Variants in RXRA observed in about 807,000 individuals in gnomAD.
RXRA encodes the protein retinoid X receptor alpha.
RXRA carries 5 observed loss-of-function variants against 44.5 expected under a neutral mutation model. That is an observed-to-expected ratio of 0.11 (90% confidence interval 0.06 to 0.24). The LOEUF (loss-of-function observed/expected upper bound fraction) is 0.24. Ranked by LOEUF, RXRA falls within the 10% of genes least tolerant of loss-of-function variation. The pLI, the probability that RXRA is intolerant of heterozygous loss-of-function variation, is 1.00. For synonymous variants in RXRA, 291 were observed against 271.4 expected, an observed-to-expected ratio of 1.07 and a Z score of -0.71; for missense variants, 412 against 646.5, an observed-to-expected ratio of 0.64 and a Z score of 3.93.
At chr9:134,354,052 G>A (rs924916900) in intron 1 of RXRA, among the ~76,000 whole-genome samples, 3 of 152,182 alleles carry the variant, frequency 2.0e-5, no homozygotes, top group African/African-American at 7.2e-5. Context: ...CTTCACTGTT[G>A]CCACCATAAA....
chr9:134,326,843 T>C (rs1285602493), intron 1 of RXRA, among the ~76,000 whole-genome samples, 184 bp downstream of exon 1: 1 of 134,314 alleles, frequency 7.4e-6, no homozygotes, highest in Non-Finnish European at 1.6e-5. Flanking sequence ...GGGGCAACTT[T>C]TCGCGGGGCC....
At chr9:134,352,762 G>A (rs1406454205) in intron 1 of RXRA, among the ~76,000 whole-genome samples, 4 of 152,198 alleles carry the variant, frequency 2.6e-5, no homozygotes, top group Non-Finnish European at 4.4e-5. Flanking sequence ...CTGACGGCTC[G>A]CATGCCTGTC....
At chr9:134,399,344 T>C (rs1221941516) in intron 1 of RXRA, among the ~76,000 whole-genome samples, 1 of 152,246 alleles carries the variant, frequency 6.6e-6, no homozygotes, top group African/African-American at 2.4e-5. Context: ...TTTCCCTGTC[T>C]GTCACAGGCT....
chr9:134,368,200 A>AGTGCCTGGCTGTGGCTCCC (rs1387491970), intron 1 of RXRA, among the ~76,000 whole-genome samples: 2 of 152,196 alleles, frequency 1.3e-5, no homozygotes, highest in Admixed American at 1.3e-4. Context: ...ATGGATGGTC[A>AGTGCCTGGCTGTGGCTCCC]GTGCCTGGCT....
At chr9:134,358,938 G>A (rs998412241) in intron 1 of RXRA, among the ~76,000 whole-genome samples, 1 of 152,214 alleles carries the variant, frequency 6.6e-6, no homozygotes, top group Non-Finnish European at 1.5e-5. Context: ...ACAGCCCCAC[G>A]TGGCAGGGGA....
chr9:134,393,263 A>G (rs73556208), intron 1 of RXRA, among the ~76,000 whole-genome samples: 1 of 152,158 alleles, frequency 6.6e-6, no homozygotes, highest in Non-Finnish European at 1.5e-5. Flanking sequence ...GCATGACACA[A>G]CCAGGAGGCT....
rs191196083 is a variant in RXRA, at chr9:134,400,982, C to T, written c.29-650C>T. 5.3e-5 allele frequency among the ~76,000 whole-genome samples: 8 copies of T among 152,328 alleles called. No individual in the cohort carries two copies. In the East Asian group the frequency reaches 1.4e-3, roughly 26 times the overall value. On this transcript the variant is annotated intron_variant, in intron 1 of 9. Transcript: ENST00000481739. ...ACCTGAGCAGGTCCAGGCAGTGTGG[C>T]CTGCTGGTTAGGGCCACAGACATGG...
chr9:134,344,175 A>C, intron 1 of RXRA, among the ~76,000 whole-genome samples: 1 of 152,288 alleles, frequency 6.6e-6, no homozygotes, highest in South Asian at 2.1e-4. Context: ...GGGCCCATGC[A>C]GTACAAATGT....
intron 1 of RXRA, among the ~76,000 whole-genome samples, chr9:134,354,915 C>G (rs545032739): frequency 6.6e-6 from 1 of 152,354 alleles, no homozygotes; most frequent in African/African-American, 2.4e-5. Flanking sequence ...GACTGAGAAG[C>G]CACTGGGAAG....
chr9:134,414,627 G>A (rs1210308666), intron 4 of RXRA, among the ~76,000 whole-genome samples: 1 of 152,258 alleles, frequency 6.6e-6, no homozygotes. Context: ...ACTGTCTTGA[G>A]CGCTCAGCCC....
chr9:134,386,115 G>A (rs769348040), intron 1 of RXRA, among the ~76,000 whole-genome samples: 1 of 152,238 alleles, frequency 6.6e-6, no homozygotes, highest in Non-Finnish European at 1.5e-5. Flanking sequence ...TGGGCCGCCG[G>A]GCCAGCATGA....
At chr9:134,362,195 G>A (rs1044495842) in intron 1 of RXRA, among the ~76,000 whole-genome samples, 43 of 152,280 alleles carry the variant, frequency 2.8e-4, no homozygotes, top group African/African-American at 9.4e-4. Flanking sequence ...GGCCCAGTGC[G>A]TGGCCGCTGC....
intron 1 of RXRA, among the ~76,000 whole-genome samples, chr9:134,383,495 C>T (rs879319449): frequency 1.2e-4 from 19 of 152,150 alleles, no homozygotes; most frequent in African/African-American, 2.9e-4. Flanking sequence ...ACCCTCATTC[C>T]GAGTCTCATG....
Position 134,417,308 on chromosome 9 carries a change from T to C in RXRA, c.761T>C (p.Met254Thr), listed in dbSNP as rs756466967. The change falls in exon 5 of 10, where the codon ATG becomes ACG. Residue 254 changes from methionine (M) to threonine (T), a missense_variant. This residue lies in a region of RXRA where 67 missense variants were observed against 78.7 expected (regional missense o/e 0.85). Coordinates refer to ENST00000481739, the MANE Select transcript of RXRA (RefSeq NM_002957.6). The surrounding 1 kb of genome is among the most constrained non-coding windows in gnomAD (Gnocchi z 6.1). ...PKTETYVEAN[M>T]GLNPSSPNDP... ...ACCGAGACCTACGTGGAGGCAAACA[T>C]GGGGCTGAACCCCAGCTCGGTGAGT... The C allele has an allele frequency of 6.8e-6, 11 of 1,613,506 alleles. No individual in the cohort carries two copies. The highest frequency in any genetic ancestry group is 2.2e-5 in the East Asian group (1 of 44,888).
In RXRA at chr9:134,417,432, G is replaced by A. The variant is rs1312696443; in HGVS notation, c.780+105G>A. 1.5e-6 allele frequency: 2 copies of A among 1,326,144 alleles called. No individual in the cohort carries two copies. The highest frequency in any genetic ancestry group is 1.5e-5 in the African/African-American group (1 of 68,608). 82.1% of individuals were successfully genotyped at this position (1,326,144 alleles called of 1,614,324 possible). A position where few individuals can be genotyped will look rare whatever the true frequency, so the allele number is the denominator to read the frequency against. On this transcript the variant is annotated intron_variant, in intron 5 of 9. Transcript: ENST00000481739. This position sits in a 1 kb window ranked among gnomAD's most constrained non-coding sequence, Gnocchi z 6.1. ...CTGATGAGCCAGAGAGGTCCTGGGG[G>A]CTGCCCTGGGCCCTGTGGCTGCCTC...
At chr9:134,336,638 G>T (rs782100790) in intron 1 of RXRA, among the ~76,000 whole-genome samples, 5 of 152,170 alleles carry the variant, frequency 3.3e-5, no homozygotes, top group Non-Finnish European at 7.3e-5. Context: ...TTCAAGACAG[G>T]GCTGGCTCCA....
chr9:134,369,818 G>A (rs1385797752), intron 1 of RXRA, among the ~76,000 whole-genome samples: 2 of 152,124 alleles, frequency 1.3e-5, no homozygotes, highest in Non-Finnish European at 2.9e-5. Flanking sequence ...GAGTCCAGAG[G>A]TCCCCTCCTC....
chr9:134,373,990 T>A (rs1830521179), intron 1 of RXRA: 1 of 152,266 alleles, frequency 6.6e-6, no homozygotes, highest in South Asian at 2.1e-4. Flanking sequence ...GCCTGGTTTT[T>A]CTCTGCCTGT....
chr9:134,340,572 A>G (rs1554748002), intron 1 of RXRA, among the ~76,000 whole-genome samples: 3 of 151,888 alleles, frequency 2.0e-5, no homozygotes, highest in African/African-American at 7.3e-5. Context: ...GGTATCACCG[A>G]CCACCCGAAG....
Sources: gnomAD v4.1 joint callset for allele counts (sites outside exome capture counted in the v4.1 genomes callset) on GRCh38, gnomAD v4.1.1 for gene constraint, gnomAD v4.1.1 regional missense constraint, Gnocchi (gnomAD v3.1) non-coding constraint, MANE v1.5 for transcripts, NCBI Gene and HGNC (gene_info 2026-07-23, HGNC 2026-07-21) for gene names.